ZDHHC21: variants seen among roughly 807,000 people sequenced by gnomAD.
The protein encoded by ZDHHC21 is palmitoyltransferase ZDHHC21.
A neutral mutation model predicts 34.6 loss-of-function variants in ZDHHC21; 15 were observed. The ratio of observed to expected loss-of-function variants is 0.43; its 90% CI spans 0.29 to 0.67. The LOEUF (loss-of-function observed/expected upper bound fraction) is 0.67. ZDHHC21 is among the 30% of genes least tolerant of loss of function. The pLI, the probability that ZDHHC21 is intolerant of heterozygous loss-of-function variation, is 0.14. For synonymous variants in ZDHHC21, 142 were observed against 101.8 expected (o/e 1.40, Z -2.38); for missense variants, 344 against 327.7 (o/e 1.05, Z -0.38).
the ZDHHC21 span, among the ~76,000 whole-genome samples, chr9:14,605,680 T>G: frequency 6.6e-6 from 1 of 152,228 alleles, no homozygotes; most frequent in Admixed American, 6.5e-5. Flanking sequence ...TGCAGAAGCT[T>G]TTAAAGTTGA....
intron 7 of ZDHHC21, among the ~76,000 whole-genome samples, chr9:14,651,035 G>C (rs1831150543): frequency 6.6e-6 from 1 of 151,886 alleles, no homozygotes; most frequent in South Asian, 2.1e-4. Flanking sequence ...TACCATCAAA[G>C]ATTAGCTGTA....
intron 5 of ZDHHC21, among the ~76,000 whole-genome samples, chr9:14,663,156 A>C (rs1378828446): frequency 6.6e-6 from 1 of 152,200 alleles, no homozygotes; most frequent in Non-Finnish European, 1.5e-5. Flanking sequence ...TGGAAGAGTC[A>C]TCTTCCTAGA....
At chr9:14,609,005 G>A (rs918686902), downstream of ZDHHC21, among the ~76,000 whole-genome samples, 1 of 151,980 alleles carries the variant, frequency 6.6e-6, no homozygotes, top group African/African-American at 2.4e-5. Context: ...TTTTAGCAGT[G>A]GACGTTTCTT....
chr9:14,660,883 CAAT>C (rs1438461568), intron 6 of ZDHHC21, among the ~76,000 whole-genome samples: 2 of 152,050 alleles, frequency 1.3e-5, no homozygotes, highest in Non-Finnish European at 2.9e-5. Context: ...AGAAACTCTA[CAAT>C]AAGAAGCGCT....
chr9:14,661,852 C>T (rs977077862), intron 6 of ZDHHC21, among the ~76,000 whole-genome samples: 7 of 152,142 alleles, frequency 4.6e-5, no homozygotes, highest in African/African-American at 1.7e-4. Context: ...CATTCGGATG[C>T]ATATGGTTTA....
intron 8 of ZDHHC21, among the ~76,000 whole-genome samples, chr9:14,634,503 G>A (rs950614221): frequency 2.0e-5 from 3 of 152,112 alleles, no homozygotes; most frequent in Admixed American, 6.5e-5. Context: ...AGCCCACCTG[G>A]CAACCCGGTC....
chr9:14,646,766 T>C (rs1295010566), intron 7 of ZDHHC21, among the ~76,000 whole-genome samples: 1 of 152,178 alleles, frequency 6.6e-6, no homozygotes, highest in Admixed American at 6.6e-5. Flanking sequence ...TTGACCAAAT[T>C]ACAGAAAATC....
intron 2 of ZDHHC21, among the ~76,000 whole-genome samples, chr9:14,688,146 G>C (rs1031271414): frequency 6.6e-6 from 1 of 150,898 alleles, no homozygotes; most frequent in Non-Finnish European, 1.5e-5. Flanking sequence ...GATGTTAAAA[G>C]AGAAATTATG....
At chr9:14,692,319 G>A (rs1587531339) in intron 1 of ZDHHC21, among the ~76,000 whole-genome samples, 1 of 152,134 alleles carries the variant, frequency 6.6e-6, no homozygotes, top group South Asian at 2.1e-4. Flanking sequence ...TTTTAAAAGT[G>A]CATATATTAG....
At chr9:14,642,668 G>T (rs939461962) in intron 7 of ZDHHC21, among the ~76,000 whole-genome samples, 7 of 152,146 alleles carry the variant, frequency 4.6e-5, no homozygotes, top group South Asian at 2.1e-4. Flanking sequence ...ACCATGTGGG[G>T]ACAGAGAGAA....
chr9:14,632,837 C>T (rs1308536012), intron 8 of ZDHHC21, among the ~76,000 whole-genome samples: 2 of 152,098 alleles, frequency 1.3e-5, no homozygotes, highest in African/African-American at 2.4e-5. Context: ...AAAAGATACT[C>T]GACCTCATTA....
At position 14,652,486 on chromosome 9, in the gene ZDHHC21, C is replaced by T. The variant is rs558091513; in HGVS notation, c.504+6263G>A. On this transcript the variant is annotated intron_variant, in intron 7 of 9. Transcript: ENST00000380916. ...AAAAACATATAAATCTTTGAACGTT[C>T]GTGATAAAAGAATATTTTAAAAGTA... Among the ~76,000 whole-genome samples the T allele has an allele frequency of 5.3e-4, 80 of 151,740 alleles. 1 individual carries two copies. Among genetic ancestry groups the T allele is most frequent in the Non-Finnish European group, 9.7e-4 (66 of 67,824 alleles).
downstream of ZDHHC21, among the ~76,000 whole-genome samples, chr9:14,606,757 C>T (rs77294096): frequency 2.4e-4 from 36 of 151,864 alleles, no homozygotes; most frequent in East Asian, 5.8e-3. Context: ...AAAAATAATA[C>T]CCAGGAAATA....
the ZDHHC21 span, among the ~76,000 whole-genome samples, chr9:14,603,546 A>T: frequency 6.6e-6 from 1 of 152,216 alleles, no homozygotes; most frequent in Non-Finnish European, 1.5e-5. Context: ...AGTAACAAGC[A>T]CAACCGTAAC....
Position 14,662,117 on chromosome 9 carries a change from A to G in ZDHHC21, c.365+98T>C, listed in dbSNP as rs191674421. On this transcript the variant is annotated intron_variant, in intron 6 of 9. Transcript: ENST00000380916. ...CCTTATTAAGATATTGTAAAACTAT[A>G]TAACTTTAACATAACTGTTGTTTAA... 18 of 719,178 alleles carry G rather than the reference A, an allele frequency of 2.5e-5. No individual in the cohort carries two copies. The East Asian group carries it at 2.6e-4, about 10-fold the overall frequency. The allele number at this position is 719,178 out of a possible 1,614,324, so 44.5% of individuals were successfully genotyped here.
At chr9:14,654,755 T>G (rs143627110) in intron 7 of ZDHHC21, among the ~76,000 whole-genome samples, 17 of 152,162 alleles carry the variant, frequency 1.1e-4, no homozygotes, top group African/African-American at 4.1e-4. Context: ...AGGTTAGACA[T>G]GGCAGAAGAG....
intron 7 of ZDHHC21, among the ~76,000 whole-genome samples, chr9:14,650,452 T>G (rs1350653610): frequency 6.6e-6 from 1 of 152,000 alleles, no homozygotes; most frequent in Non-Finnish European, 1.5e-5. Flanking sequence ...TAAATGTGTA[T>G]TTTAGCAATT....
intron 8 of ZDHHC21, 51 bp downstream of exon 8, chr9:14,639,845 T>C: frequency 9.3e-7 from 1 of 1,078,244 alleles, no homozygotes; most frequent in Non-Finnish European, 1.3e-6. Context: ...ATTACATTCA[T>C]AATTAGGTAA....
intron 8 of ZDHHC21, among the ~76,000 whole-genome samples, chr9:14,630,449 T>C (rs532827398): frequency 1.3e-5 from 2 of 152,338 alleles, no homozygotes; most frequent in East Asian, 1.9e-4. Context: ...CACTGAAGTC[T>C]TGAACCCTTC....
Sources: gnomAD v4.1 joint callset for allele counts (sites outside exome capture counted in the v4.1 genomes callset) on GRCh38, gnomAD v4.1.1 for gene constraint, MANE v1.5 for transcripts, NCBI Gene and HGNC (gene_info 2026-07-23, HGNC 2026-07-21) for gene names.